CSMD1: variants seen among roughly 807,000 people sequenced by gnomAD.
CSMD1 encodes the protein CUB and sushi domain-containing protein 1.
CSMD1 carries 213 observed loss-of-function variants against 417.5 expected under a neutral mutation model. The ratio of observed to expected loss-of-function variants is 0.51; its 90% CI spans 0.46 to 0.57. CSMD1 has a LOEUF of 0.57. Ranked by LOEUF, CSMD1 falls within the 20% of genes least tolerant of loss-of-function variation. CSMD1 has a pLI of 0.00. For synonymous variants in CSMD1, 2,862 were observed against 1,736.8 expected (o/e 1.65, Z -16.11); for missense variants, 6,923 against 4,529.7 (o/e 1.53, Z -15.17).
intron 3 of CSMD1, among the ~76,000 whole-genome samples, chr8:4,213,572 C>T (rs973901652): frequency 6.6e-6 from 1 of 152,174 alleles, no homozygotes; most frequent in Non-Finnish European, 1.5e-5. Flanking sequence ...TTTTGCTCTC[C>T]CACTTGCAAC....
intron 3 of CSMD1, among the ~76,000 whole-genome samples, chr8:4,182,069 A>G (rs540141211): frequency 1.5e-3 from 223 of 151,592 alleles, no homozygotes; most frequent in African/African-American, 4.8e-3. Flanking sequence ...TGTATACCTA[A>G]ATTAGGTATT....
chr8:3,519,274 A>T, intron 10 of CSMD1, among the ~76,000 whole-genome samples: 1 of 152,146 alleles, frequency 6.6e-6, no homozygotes, highest in Admixed American at 6.6e-5. Context: ...TTTCTTTCTG[A>T]AAATACCTGA....
intron 2 of CSMD1, among the ~76,000 whole-genome samples, chr8:4,594,847 C>A (rs889610473): frequency 6.6e-6 from 1 of 152,050 alleles, no homozygotes; most frequent in African/African-American, 2.4e-5. Context: ...GGACACAATT[C>A]CTTAGTAAAT....
intron 7 of CSMD1, among the ~76,000 whole-genome samples, chr8:3,658,898 T>G (rs1798265311): frequency 6.6e-6 from 1 of 152,228 alleles, no homozygotes; most frequent in African/African-American, 2.4e-5. Context: ...GTTTTGCCAT[T>G]TCAATTAATA....
intron 11 of CSMD1, among the ~76,000 whole-genome samples, chr8:3,482,961 T>C (rs1213639142): frequency 6.6e-6 from 1 of 152,016 alleles, no homozygotes; most frequent in African/African-American, 2.4e-5. Context: ...TATAAAAATA[T>C]GTGGGAAGCA....
At chr8:3,920,916 C>T (rs1809205395) in intron 5 of CSMD1, among the ~76,000 whole-genome samples, 1 of 152,066 alleles carries the variant, frequency 6.6e-6, no homozygotes, top group Non-Finnish European at 1.5e-5. Context: ...TGATTACAGA[C>T]ATTGGCCTGT....
At chr8:4,325,561 G>A (rs540337820) in intron 3 of CSMD1, among the ~76,000 whole-genome samples, 39 of 152,288 alleles carry the variant, frequency 2.6e-4, no homozygotes, top group South Asian at 2.1e-4. Flanking sequence ...TGCCTACCTT[G>A]TTAGCTTTTC....
At chr8:4,245,471 G>C (rs1044303383) in intron 3 of CSMD1, among the ~76,000 whole-genome samples, 1 of 152,112 alleles carries the variant, frequency 6.6e-6, no homozygotes, top group African/African-American at 2.4e-5. Context: ...ACCCAACTCA[G>C]CAAACAAAAA....
At chr8:4,897,694 A>G (rs182367473) in intron 1 of CSMD1, among the ~76,000 whole-genome samples, 1 of 152,096 alleles carries the variant, frequency 6.6e-6, no homozygotes, top group African/African-American at 2.4e-5. Context: ...TTTTTTACAT[A>G]TTACTTAAAT....
At chr8:4,731,444 T>A (rs1809860449) in intron 1 of CSMD1, among the ~76,000 whole-genome samples, 1 of 152,224 alleles carries the variant, frequency 6.6e-6, no homozygotes, top group South Asian at 2.1e-4. Context: ...CATTTATAAT[T>A]TATGATTTCA....
chr8:4,422,989 A>C (rs145959427), intron 2 of CSMD1, among the ~76,000 whole-genome samples: 3 of 152,092 alleles, frequency 2.0e-5, no homozygotes, highest in Non-Finnish European at 2.9e-5. Flanking sequence ...TGAACATGAG[A>C]AAAGTTCTCA....
chr8:4,980,286 C>T (rs1423883096), intron 1 of CSMD1, among the ~76,000 whole-genome samples: 1 of 152,158 alleles, frequency 6.6e-6, no homozygotes, highest in South Asian at 2.1e-4. Flanking sequence ...GCATGCTGCT[C>T]TTCCCAGAGT....
intron 54 of CSMD1, among the ~76,000 whole-genome samples, chr8:2,993,743 G>A (rs1215848031): frequency 6.6e-6 from 1 of 152,088 alleles, no homozygotes; most frequent in Admixed American, 6.6e-5. Context: ...GTTTTAGGAC[G>A]TAGACTGAGT....
intron 1 of CSMD1, among the ~76,000 whole-genome samples, chr8:4,717,268 C>G (rs992486976): frequency 1.3e-5 from 2 of 149,146 alleles, no homozygotes; most frequent in African/African-American, 5.0e-5. Context: ...AATAGGGCCT[C>G]AAAGAAGCAT....
chr8:3,233,091 AT>A (rs11284982), intron 26 of CSMD1, among the ~76,000 whole-genome samples: 74,556 of 149,216 alleles, frequency 0.5, 18,722 homozygotes, highest in South Asian at 0.57. Flanking sequence ...TTTTCTTTTC[AT>A]TTTTTTTTTC....
chr8:4,517,747 A>G (rs1037195860), intron 2 of CSMD1, among the ~76,000 whole-genome samples: 3 of 152,220 alleles, frequency 2.0e-5, no homozygotes, highest in African/African-American at 7.2e-5. Flanking sequence ...GTTCATCTCA[A>G]TGCTTCAAGT....
At position 4,746,293 on chromosome 8, in the gene CSMD1, C is replaced by A. The variant is rs76452063; in HGVS notation, c.86-108735G>T. Among the ~76,000 whole-genome samples, 799 of 152,246 alleles carry A rather than the reference C, an allele frequency of 5.2e-3. 7 individuals are homozygous for A. The highest frequency in any genetic ancestry group is 0.02 in the Middle Eastern group (6 of 294). The stretch of plus-strand genomic sequence containing the variant: ...AGGTGACGTACTTAGAGCCTGGTGC[C>A]CTTTTTGAAAGAATTCACTCAGAAT... On this transcript the variant is annotated intron_variant, in intron 1 of 69. Transcript: ENST00000635120.
intron 48 of CSMD1, among the ~76,000 whole-genome samples, chr8:3,088,036 A>G (rs889960381): frequency 6.6e-6 from 1 of 152,192 alleles, no homozygotes; most frequent in Non-Finnish European, 1.5e-5. Context: ...CTTCTTTTTT[A>G]GCATATGGGA....
chr8:3,213,066 A>T (rs1316115955), intron 30 of CSMD1, among the ~76,000 whole-genome samples: 1 of 151,954 alleles, frequency 6.6e-6, no homozygotes, highest in Non-Finnish European at 1.5e-5. Flanking sequence ...ACCTCAGGTG[A>T]TCCACCCACG....
Sources: allele counts gnomAD v4.1 joint callset (sites outside exome capture counted in the v4.1 genomes callset), GRCh38; gene constraint gnomAD v4.1.1; transcripts MANE v1.5; gene names NCBI Gene and HGNC (gene_info 2026-07-23, HGNC 2026-07-21).